MCF2L2: variants seen among roughly 807,000 people sequenced by gnomAD.
The protein encoded by MCF2L2 is MCF.2 cell line derived transforming sequence-like 2, also known as probable guanine nucleotide exchange factor MCF2L2.
Under a neutral mutation model 150.2 loss-of-function variants are expected in MCF2L2, and 102 were observed. The ratio of observed to expected loss-of-function variants is 0.68; its 90% CI spans 0.58 to 0.80. The LOEUF (loss-of-function observed/expected upper bound fraction) is 0.80, where lower values mean the gene tolerates loss of function less well. Among genes scored for constraint, MCF2L2 ranks in the 30% least tolerant of loss-of-function variants. The probability of loss-of-function intolerance (pLI) is 0.00; values close to 1 mark genes in which losing one functional copy is unlikely to be tolerated. For synonymous variants in MCF2L2, 465 were observed against 491.3 expected (o/e 0.95, Z 0.71); for missense variants, 1,256 against 1,372.8 (o/e 0.91, Z 1.34).
At chr3:183,198,086 C>A (rs181170707) in intron 25 of MCF2L2, among the ~76,000 whole-genome samples, 74 of 152,238 alleles carry the variant, frequency 4.9e-4, no homozygotes, top group African/African-American at 1.7e-3. Context: ...TAGGTATTTA[C>A]CCAAGAGAAA....
intron 3 of MCF2L2, among the ~76,000 whole-genome samples, chr3:183,368,155 C>A (rs928757504): frequency 2.0e-5 from 3 of 152,196 alleles, no homozygotes; most frequent in African/African-American, 7.2e-5. Context: ...GCAGCATCAG[C>A]ATCTCTTGGG....
At chr3:183,320,156 G>C (rs1043744826) in intron 6 of MCF2L2, among the ~76,000 whole-genome samples, 4 of 148,916 alleles carry the variant, frequency 2.7e-5, no homozygotes, top group African/African-American at 1.0e-4. Context: ...GCAGTGGCGC[G>C]ATCTCAGCTC....
intron 14 of MCF2L2, among the ~76,000 whole-genome samples, chr3:183,281,129 G>A (rs73884634): frequency 0.032 from 4,836 of 152,146 alleles, 258 homozygotes; most frequent in African/African-American, 0.11. Flanking sequence ...GAGAAATAAA[G>A]TGAAAAGGTA....
intron 15 of MCF2L2, among the ~76,000 whole-genome samples, chr3:183,274,361 G>A (rs1560395550): frequency 6.6e-6 from 1 of 152,066 alleles, no homozygotes; most frequent in Admixed American, 6.6e-5. Context: ...TCTTTGACAC[G>A]GTTAGCTGTC....
intron 7 of MCF2L2, among the ~76,000 whole-genome samples, chr3:183,314,242 AG>A (rs1729503993): frequency 6.6e-6 from 1 of 152,164 alleles, no homozygotes; most frequent in Admixed American, 6.5e-5. Flanking sequence ...GAATACATTA[AG>A]GCCCAAACTG....
intron 13 of MCF2L2, among the ~76,000 whole-genome samples, chr3:183,293,310 A>G (rs1332363488): frequency 6.6e-6 from 1 of 152,214 alleles, no homozygotes; most frequent in Non-Finnish European, 1.5e-5. Flanking sequence ...AGACATAAAA[A>G]CCATGAATAT....
chr3:183,289,043 G>T, intron 14 of MCF2L2, 77 bp downstream of exon 14: 1 of 959,996 alleles, frequency 1.0e-6, no homozygotes. Context: ...AACACAATTT[G>T]TTGATTTATT....
At chr3:183,242,135 C>T (rs1371952029) in intron 15 of MCF2L2, among the ~76,000 whole-genome samples, 1 of 152,116 alleles carries the variant, frequency 6.6e-6, no homozygotes, top group Non-Finnish European at 1.5e-5. Flanking sequence ...TATGTATTCA[C>T]AAAGATATGG....
At chr3:183,377,141 GT>G (rs1713234589) in intron 3 of MCF2L2, 1 of 152,100 alleles carries the variant, frequency 6.6e-6, no homozygotes, top group African/African-American at 2.4e-5. Flanking sequence ...CATCATCCAG[GT>G]TTTAAGACCC....
chr3:183,201,908 A>G (rs1722301164), intron 25 of MCF2L2, among the ~76,000 whole-genome samples: 2 of 152,126 alleles, frequency 1.3e-5, no homozygotes, highest in African/African-American at 4.8e-5. Flanking sequence ...TTCGGAGAAC[A>G]CTGGAAATTA....
intron 5 of MCF2L2, among the ~76,000 whole-genome samples, chr3:183,336,681 G>A (rs912458002): frequency 6.6e-6 from 1 of 150,378 alleles, no homozygotes; most frequent in East Asian, 2.0e-4. Flanking sequence ...GTCTCGAACC[G>A]CATCTCTACT....
chr3:183,291,239 G>C (rs995411124), intron 13 of MCF2L2, among the ~76,000 whole-genome samples: 1 of 152,186 alleles, frequency 6.6e-6, no homozygotes, highest in Admixed American at 6.5e-5. Flanking sequence ...ACTGTAAGTA[G>C]AGTGAAGCAG....
rs1202954241 is a variant in MCF2L2, at chr3:183,197,881, A to G, written c.2885-2626T>C. Among the ~76,000 whole-genome samples, 1 of 152,238 alleles carries G rather than the reference A, an allele frequency of 6.6e-6. No individual in the cohort carries two copies. On this transcript the variant is annotated intron_variant, in intron 25 of 29. Coordinates refer to ENST00000328913, the MANE Select transcript of MCF2L2 (RefSeq NM_015078.4). This position sits in a 1 kb window ranked among gnomAD's most constrained non-coding sequence, Gnocchi z 4.5. ...GAAAAGCAAATTAAAACCTAATGAC[A>G]TACCACTATGCCCCTATTAGAAATC...
Position 183,337,641 on chromosome 3 carries a change from A to G in MCF2L2, c.486+1159T>C, listed in dbSNP as rs960450413. 2.6e-5 allele frequency among the ~76,000 whole-genome samples: 4 copies of G among 152,148 alleles called. No homozygotes were observed. The South Asian group carries it at 6.2e-4, about 24-fold the overall frequency. ...ATAACTTACCACTTTTATTGGCTACAAAGTATTTCACTGATTGGGTAGCTA... is the reference window on the plus strand; with the variant it reads ...ATAACTTACCACTTTTATTGGCTACGAAGTATTTCACTGATTGGGTAGCTA... On this transcript the variant is annotated intron_variant, in intron 5 of 29. Transcript: ENST00000328913.
chr3:183,252,216 C>G (rs764636161), intron 15 of MCF2L2, among the ~76,000 whole-genome samples: 19 of 151,878 alleles, frequency 1.3e-4, no homozygotes, highest in Non-Finnish European at 2.6e-4. Flanking sequence ...GGGGGAAATG[C>G]ATGTGGGATT....
chr3:183,321,119 T>C (rs1157064170), intron 6 of MCF2L2, among the ~76,000 whole-genome samples: 5 of 152,278 alleles, frequency 3.3e-5, no homozygotes, highest in African/African-American at 9.6e-5. Flanking sequence ...ACACCAAAGA[T>C]TGCTGACCAC....
chr3:183,328,577 A>G (rs551515780), intron 5 of MCF2L2, among the ~76,000 whole-genome samples: 13 of 152,258 alleles, frequency 8.5e-5, no homozygotes, highest in African/African-American at 3.1e-4. Flanking sequence ...GTGAGTAGAG[A>G]AAGTGTTTTC....
intron 5 of MCF2L2, among the ~76,000 whole-genome samples, chr3:183,334,746 T>C (rs1325590342): frequency 6.8e-6 from 1 of 146,448 alleles, no homozygotes; most frequent in African/African-American, 2.6e-5. Context: ...TGAGCTGAGA[T>C]TGCGCCATTG....
At chr3:183,259,964 GCAAAT>G (rs1323132153) in intron 15 of MCF2L2, among the ~76,000 whole-genome samples, 1 of 152,190 alleles carries the variant, frequency 6.6e-6, no homozygotes, top group East Asian at 1.9e-4. Flanking sequence ...TGGCAGTGAA[GCAAAT>G]TCTCATCCAT....
Sources: allele counts gnomAD v4.1 joint callset (sites outside exome capture counted in the v4.1 genomes callset), GRCh38; gene constraint gnomAD v4.1.1; non-coding constraint Gnocchi (gnomAD v3.1); transcripts MANE v1.5; gene names NCBI Gene and HGNC (gene_info 2026-07-23, HGNC 2026-07-21).